The following MGAT4C variants were observed in gnomAD, a reference collection of about 807,000 sequenced individuals.
MGAT4C encodes alpha-1,3-mannosyl-glycoprotein 4-beta-N-acetylglucosaminyltransferase C.
MGAT4C carries 19 observed loss-of-function variants against 40.1 expected under a neutral mutation model. The observed-to-expected ratio is 0.47, with a 90% CI of 0.33 to 0.70. The LOEUF is 0.70. Among genes scored for constraint, MGAT4C ranks in the 30% least tolerant of loss-of-function variants. MGAT4C has a pLI of 0.02. For missense variants in MGAT4C, 491 were observed against 563.2 expected, an observed-to-expected ratio of 0.87 and a Z score of 1.30; for synonymous variants, 181 against 187.1, an observed-to-expected ratio of 0.97 and a Z score of 0.27.
At chr12:86,205,967 T>C (rs1950235998) in intron 1 of MGAT4C, among the ~76,000 whole-genome samples, 1 of 151,064 alleles carries the variant, frequency 6.6e-6, no homozygotes, top group Non-Finnish European at 1.5e-5. Context: ...AAAAAAAAAT[T>C]AAGCAATTAT....
chr12:86,157,353 C>T (rs839125), intron 1 of MGAT4C, among the ~76,000 whole-genome samples: 134,923 of 152,106 alleles, frequency 0.89, 60,083 homozygotes, highest in East Asian at 1. Context: ...AACATAATAA[C>T]TTTAAAGTAT....
intron 2 of MGAT4C, among the ~76,000 whole-genome samples, chr12:86,533,603 A>G (rs1227663017): frequency 6.6e-6 from 1 of 151,692 alleles, no homozygotes; most frequent in Non-Finnish European, 1.5e-5. Context: ...AATTATAATT[A>G]TTTATACACA....
chr12:86,097,086 T>G (rs1009542841), intron 1 of MGAT4C, among the ~76,000 whole-genome samples: 3 of 151,664 alleles, frequency 2.0e-5, no homozygotes, highest in African/African-American at 4.8e-5. Context: ...TCTTTCAAGT[T>G]CGAGTATATT....
At chr12:86,067,925 C>T (rs937974652) in intron 1 of MGAT4C, among the ~76,000 whole-genome samples, 2 of 152,022 alleles carry the variant, frequency 1.3e-5, no homozygotes, top group Non-Finnish European at 2.9e-5. Flanking sequence ...GGTGTTATCT[C>T]GTCATCACAG....
intron 1 of MGAT4C, among the ~76,000 whole-genome samples, chr12:86,824,726 A>G (rs1952770808): frequency 6.8e-6 from 1 of 146,546 alleles, no homozygotes; most frequent in Admixed American, 6.8e-5. Context: ...AATGCTTTAG[A>G]CAGCCAGGCC....
At chr12:86,563,049 T>A (rs1007344586) in intron 2 of MGAT4C, among the ~76,000 whole-genome samples, 1 of 152,052 alleles carries the variant, frequency 6.6e-6, no homozygotes, top group Non-Finnish European at 1.5e-5. Flanking sequence ...TGGAGAGGAT[T>A]AGTCACTTTA....
intron 1 of MGAT4C, among the ~76,000 whole-genome samples, chr12:86,729,776 A>G (rs1028692515): frequency 6.6e-6 from 1 of 152,084 alleles, no homozygotes; most frequent in South Asian, 2.1e-4. Context: ...TATCTAAGAA[A>G]TCATTCCCCT....
intron 4 of MGAT4C, among the ~76,000 whole-genome samples, chr12:86,275,822 C>T (rs896557899): frequency 6.6e-6 from 1 of 151,976 alleles, no homozygotes; most frequent in Non-Finnish European, 1.5e-5. Context: ...AATAAATTGG[C>T]TGGGCGCGGT....
chr12:86,187,016 C>T (rs1275906433), intron 1 of MGAT4C, among the ~76,000 whole-genome samples: 1 of 152,000 alleles, frequency 6.6e-6, no homozygotes, highest in Non-Finnish European at 1.5e-5. Context: ...GAAGGCAAAC[C>T]AAAATCCAGA....
At chr12:86,809,179 A>C (rs1268383068) in intron 1 of MGAT4C, among the ~76,000 whole-genome samples, 1 of 152,128 alleles carries the variant, frequency 6.6e-6, no homozygotes, top group Non-Finnish European at 1.5e-5. Flanking sequence ...GATAGGATGA[A>C]TGTGGATTTT....
At chr12:86,066,110 A>G (rs1022994536) in intron 1 of MGAT4C, among the ~76,000 whole-genome samples, 9 of 152,208 alleles carry the variant, frequency 5.9e-5, no homozygotes, top group Admixed American at 3.3e-4. Flanking sequence ...GGAAGAATCA[A>G]TATCGTGAAA....
chr12:86,095,325 T>C (rs1873721093), intron 1 of MGAT4C, among the ~76,000 whole-genome samples: 1 of 152,074 alleles, frequency 6.6e-6, no homozygotes, highest in Non-Finnish European at 1.5e-5. Flanking sequence ...TTAATATTTT[T>C]AAAATTAATT....
At chr12:86,450,150 G>A (rs1259546076) in intron 2 of MGAT4C, among the ~76,000 whole-genome samples, 1 of 152,048 alleles carries the variant, frequency 6.6e-6, no homozygotes, top group Non-Finnish European at 1.5e-5. Flanking sequence ...CGGCGGCAGT[G>A]TCAGTTTCCA....
chr12:86,503,761 C>CAT (rs1186043294), intron 2 of MGAT4C, among the ~76,000 whole-genome samples: 7 of 51,190 alleles, frequency 1.4e-4, no homozygotes, highest in African/African-American at 4.3e-4. Context: ...GAGTTCTGCT[C>CAT]ATATATATAT....
rs1309613757 is a variant in MGAT4C at position 86,244,515 on chromosome 12, G to A, written c.-57+11724C>T. Among the ~76,000 whole-genome samples the A allele has an allele frequency of 2.0e-5, 3 of 152,148 alleles. No homozygotes were observed. The East Asian group carries it at 5.8e-4, about 29-fold the overall frequency. On this transcript the variant is annotated intron_variant, in intron 1 of 4. Coordinates refer to ENST00000611864, the MANE Select transcript of MGAT4C (RefSeq NM_001351288.2). ...GGCTCCCTAAAGGGATCTAAGTCTG[G>A]GGTCTCTCATCATACATTCATTTAA...
intron 3 of MGAT4C, among the ~76,000 whole-genome samples, chr12:86,380,279 T>G (rs567070965): frequency 3.3e-5 from 5 of 152,236 alleles, no homozygotes; most frequent in East Asian, 1.9e-4. Context: ...ATTAAAAAAT[T>G]GAAAAAAATT....
chr12:86,391,853 C>T (rs557520569), intron 3 of MGAT4C, among the ~76,000 whole-genome samples: 2 of 151,462 alleles, frequency 1.3e-5, no homozygotes, highest in Admixed American at 6.6e-5. Flanking sequence ...AGTGAGAATC[C>T]GTCTCAAAAA....
intron 2 of MGAT4C, among the ~76,000 whole-genome samples, chr12:86,460,356 T>G (rs1252185682): frequency 6.6e-6 from 1 of 152,210 alleles, no homozygotes; most frequent in East Asian, 1.9e-4. Flanking sequence ...GTTAAGAGTA[T>G]ACTGCCTAAT....
chr12:86,567,643 C>G (rs757607132), intron 2 of MGAT4C, among the ~76,000 whole-genome samples: 1 of 152,116 alleles, frequency 6.6e-6, no homozygotes, highest in Non-Finnish European at 1.5e-5. Flanking sequence ...TTGGGTCACT[C>G]CACCAGGTAA....
Sources: gnomAD v4.1 joint callset for allele counts (sites outside exome capture counted in the v4.1 genomes callset) on GRCh38, gnomAD v4.1.1 for gene constraint, MANE v1.5 for transcripts, NCBI Gene and HGNC (gene_info 2026-07-23, HGNC 2026-07-21) for gene names.